Variants in RAB11FIP3 observed in about 807,000 individuals in gnomAD.
RAB11FIP3 encodes the protein RAB11 family interacting protein 3, also known as rab11 family-interacting protein 3.
RAB11FIP3 carries 17 observed loss-of-function variants against 77.8 expected under a neutral mutation model. The ratio of observed to expected loss-of-function variants is 0.22; its 90% CI spans 0.15 to 0.33. The LOEUF (loss-of-function observed/expected upper bound fraction) is 0.33, where lower values mean the gene tolerates loss of function less well. Among genes scored for constraint, RAB11FIP3 ranks in the 10% least tolerant of loss-of-function variants. The probability of loss-of-function intolerance (pLI) is 1.00; values close to 1 mark genes in which losing one functional copy is unlikely to be tolerated. For synonymous variants in RAB11FIP3, 437 were observed against 448.2 expected (o/e 0.98, Z 0.31); for missense variants, 1,005 against 1,011.2 (o/e 0.99, Z 0.08).
At chr16:468,260 G>GAGGTCC in intron 2 of RAB11FIP3, among the ~76,000 whole-genome samples, 4 of 126,994 alleles carry the variant, frequency 3.1e-5, no homozygotes, top group Non-Finnish European at 3.4e-5. Flanking sequence ...CAGGGAGGAG[G>GAGGTCC]TGCAGGGAAG....
chr16:493,206 C>T (rs936278144), intron 5 of RAB11FIP3, among the ~76,000 whole-genome samples: 13 of 149,892 alleles, frequency 8.7e-5, no homozygotes, highest in African/African-American at 3.2e-4. Flanking sequence ...AGCCAACATC[C>T]TGCCACTGCA....
chr16:465,458 TG>T (rs1461708573), intron 2 of RAB11FIP3, among the ~76,000 whole-genome samples: 1 of 152,172 alleles, frequency 6.6e-6, no homozygotes, highest in Non-Finnish European at 1.5e-5. Context: ...AAGATGGCGA[TG>T]TAACCATTTT....
At chr16:501,030 C>T (rs1310988345) in intron 6 of RAB11FIP3, among the ~76,000 whole-genome samples, 1 of 152,172 alleles carries the variant, frequency 6.6e-6, no homozygotes, top group East Asian at 1.9e-4. Flanking sequence ...CTGATGAAAT[C>T]CCCAGAGCCC....
At chr16:491,773 G>A (rs75229992) in intron 5 of RAB11FIP3, among the ~76,000 whole-genome samples, 2,058 of 152,326 alleles carry the variant, frequency 0.014, 48 homozygotes, top group African/African-American at 0.046. Context: ...ACGGTTTTGA[G>A]TGCTTTGCAC....
chr16:452,021 C>T (rs1240352296), intron 1 of RAB11FIP3, among the ~76,000 whole-genome samples: 3 of 151,860 alleles, frequency 2.0e-5, no homozygotes, highest in Admixed American at 6.6e-5. Flanking sequence ...TGATGGCAGG[C>T]GCCTGTAATC....
chr16:471,421 A>T lies in RAB11FIP3; in HGVS notation c.903+32A>T, dbSNP rs763941923. 3.3e-6 allele frequency: 5 copies of T among 1,525,422 alleles called. No individual in the cohort carries two copies. The highest frequency in any genetic ancestry group is 4.5e-6 in the Non-Finnish European group (5 of 1,108,376). The allele number at this position is 1,525,422 out of a possible 1,614,324, so 94.5% of individuals were successfully genotyped here. A position where few individuals can be genotyped will look rare whatever the true frequency, so the allele number is the denominator to read the frequency against. On this transcript the variant is annotated intron_variant, in intron 3 of 13. Transcript: ENST00000262305. The surrounding 1 kb of genome is among the most constrained non-coding windows in gnomAD (Gnocchi z 4.4). ...GGTTTTCACCCAGGAGCTTGGGGGA[A>T]GTCTGGCATCCACCTCTTCCTTTAT...
At position 488,683 on chromosome 16, in the gene RAB11FIP3, A is replaced by G. The variant is rs550178773; in HGVS notation, c.1116-168A>G. ...CTTGGCCTCCCAAAGTGCTGGGATT[A>G]CATGTGTGAGCCACCGCATCCAGCC... is the stretch of plus-strand genomic sequence containing the variant. On this transcript the variant is annotated intron_variant, in intron 4 of 13. Transcript: ENST00000262305. Among the ~76,000 whole-genome samples the G allele has an allele frequency of 4.6e-5, 7 of 150,724 alleles. No individual in the cohort carries two copies. In the South Asian group the frequency reaches 1.5e-3, roughly 32 times the overall value.
At chr16:519,141 G>A (rs1455495293) in intron 10 of RAB11FIP3, 117 bp downstream of exon 10, 11 of 1,126,648 alleles carry the variant, frequency 9.8e-6, no homozygotes, top group Non-Finnish European at 1.3e-5. Context: ...GTGTGTGAGG[G>A]AACGGGGCCA....
intron 8 of RAB11FIP3, among the ~76,000 whole-genome samples, chr16:508,170 C>A (rs1394662916): frequency 6.6e-6 from 1 of 152,206 alleles, no homozygotes; most frequent in Non-Finnish European, 1.5e-5. Flanking sequence ...CATAGTGTAG[C>A]TGGGCATAAA....
At chr16:438,265 G>A (rs1372155830) in intron 1 of RAB11FIP3, among the ~76,000 whole-genome samples, 1 of 150,564 alleles carries the variant, frequency 6.6e-6, no homozygotes. Flanking sequence ...GTACCACCAT[G>A]CCCGGCTACT....
At chr16:516,981 G>A (rs949485336) in intron 9 of RAB11FIP3, among the ~76,000 whole-genome samples, 5 of 152,252 alleles carry the variant, frequency 3.3e-5, no homozygotes, top group Admixed American at 1.3e-4. Flanking sequence ...CCAGAGGACA[G>A]AGCGGGCGGG....
chr16:489,993 C>T (rs1019490483), intron 5 of RAB11FIP3, among the ~76,000 whole-genome samples: 7 of 152,166 alleles, frequency 4.6e-5, no homozygotes, highest in Admixed American at 6.5e-5. Context: ...CCTCTCCCAG[C>T]GCGTGGTGGT....
At chr16:463,430 G>GTTTTTTTTTTTTTTTTTT (rs142875972) in intron 2 of RAB11FIP3, among the ~76,000 whole-genome samples, 1 of 82,260 alleles carries the variant, frequency 1.2e-5, no homozygotes, top group Non-Finnish European at 2.3e-5. Flanking sequence ...TTGTTCCCCG[G>GTTTTTTTTTTTTTTTTTT]TTTTTTTTTT....
In RAB11FIP3 at chr16:496,726, C is replaced by T. The variant is rs139934577; in HGVS notation, c.1266-98C>T. ...GCATGCCGGGAGCATTGCTGAAAGGCCGCCCACCTCGTATCTCCACAGCCT... is the reference window on the plus strand; with the variant it reads ...GCATGCCGGGAGCATTGCTGAAAGGTCGCCCACCTCGTATCTCCACAGCCT... On this transcript the variant is annotated intron_variant, in intron 5 of 13. Coordinates refer to ENST00000262305, the MANE Select transcript of RAB11FIP3 (RefSeq NM_014700.4). 708 of 1,256,606 alleles carry T rather than the reference C, an allele frequency of 5.6e-4. 3 individuals are homozygous for T. The African/African-American group carries it at 1.0e-2, about 18-fold the overall frequency. 77.8% of individuals were successfully genotyped at this position (1,256,606 alleles called of 1,614,324 possible).
At chr16:508,867 T>C (rs1435848243) in intron 8 of RAB11FIP3, among the ~76,000 whole-genome samples, 2 of 152,096 alleles carry the variant, frequency 1.3e-5, no homozygotes, top group East Asian at 1.9e-4. Flanking sequence ...TTTTTTTCTA[T>C]GTAATATTCT....
chr16:510,026 C>T (rs1263647218), intron 8 of RAB11FIP3, among the ~76,000 whole-genome samples: 3 of 152,232 alleles, frequency 2.0e-5, no homozygotes, highest in Non-Finnish European at 4.4e-5. Flanking sequence ...CTCCACGCCC[C>T]GTCCCGAGGC....
At chr16:497,484 A>G in intron 6 of RAB11FIP3, 1 of 1,199,834 alleles carries the variant, frequency 8.3e-7, no homozygotes, top group Non-Finnish European at 1.1e-6. Context: ...TTGCCTTCCT[A>G]GTCCCCGTCC....
At position 521,158 on chromosome 16, in the gene RAB11FIP3, C is replaced by T. The variant is rs1029112580; in HGVS notation, c.*319C>T. The stretch of plus-strand genomic sequence containing the variant: ...CCCTGAGTCAAGCTGGCCATGAACG[C>T]GTACACTTCAGTTCAGCAGGATGGG... On this transcript the variant is annotated 3_prime_UTR_variant, in exon 14 of 14. Transcript: ENST00000262305. The T allele has an allele frequency of 9.2e-5, 40 of 433,060 alleles. No individual in the cohort carries two copies. Among genetic ancestry groups the T allele is most frequent in the Middle Eastern group, 6.5e-4 (1 of 1,540 alleles). 26.8% of individuals were successfully genotyped at this position (433,060 alleles called of 1,614,324 possible). A position where few individuals can be genotyped will look rare whatever the true frequency, so the allele number is the denominator to read the frequency against.
intron 3 of RAB11FIP3, among the ~76,000 whole-genome samples, chr16:476,411 G>A (rs1296354457): frequency 1.3e-5 from 2 of 152,178 alleles, no homozygotes; most frequent in Non-Finnish European, 1.5e-5. Context: ...GGTCTAACAG[G>A]AACTTGGTGA....
Sources: gnomAD v4.1 joint callset for allele counts (sites outside exome capture counted in the v4.1 genomes callset) on GRCh38, gnomAD v4.1.1 for gene constraint, Gnocchi (gnomAD v3.1) non-coding constraint, MANE v1.5 for transcripts, NCBI Gene and HGNC (gene_info 2026-07-23, HGNC 2026-07-21) for gene names.